The following ECPAS variants were observed in gnomAD, a reference collection of about 807,000 sequenced individuals.
ECPAS encodes the protein Ecm29 proteasome adaptor and scaffold, also known as proteasome adapter and scaffold protein ECM29.
ECPAS carries 70 observed loss-of-function variants against 255.1 expected under a neutral mutation model. The ratio of observed to expected loss-of-function variants is 0.27; its 90% confidence interval spans 0.23 to 0.33. The LOEUF (loss-of-function observed/expected upper bound fraction) is 0.33, where lower values mean the gene tolerates loss of function less well. Ranked by LOEUF, ECPAS falls within the 10% of genes least tolerant of loss-of-function variation. The pLI is 1.00. For missense variants in ECPAS, 1,817 were observed against 2,206.4 expected, an observed-to-expected ratio of 0.82 and a Z score of 3.54; for synonymous variants, 784 against 775.0, an observed-to-expected ratio of 1.01 and a Z score of -0.19.
At chr9:111,412,870 C>T (rs1365737210) in intron 20 of ECPAS, among the ~76,000 whole-genome samples, 1 of 151,858 alleles carries the variant, frequency 6.6e-6, no homozygotes, top group Non-Finnish European at 1.5e-5. Context: ...ACATTTTTAC[C>T]ATCATTCAAG....
At chr9:111,470,777 C>CACAG (rs944130617) in intron 2 of ECPAS, among the ~76,000 whole-genome samples, 2 of 151,464 alleles carry the variant, frequency 1.3e-5, no homozygotes, top group African/African-American at 4.9e-5. Flanking sequence ...CACACACACA[C>CACAG]ACACACACAC....
intron 46 of ECPAS, among the ~76,000 whole-genome samples, chr9:111,368,047 A>AC (rs1359491185): frequency 2.1e-5 from 3 of 139,680 alleles, no homozygotes; most frequent in African/African-American, 1.0e-4. Context: ...AAAAAAAACA[A>AC]ACAAAAAAAA....
intron 2 of ECPAS, 21 bp downstream of exon 2, chr9:111,472,876 T>TAAGGA: frequency 1.0e-6 from 1 of 986,746 alleles, no homozygotes; most frequent in Non-Finnish European, 1.4e-6. Flanking sequence ...GCACACATCC[T>TAAGGA]AAGGAACTAA....
At chr9:111,424,462 A>G (rs2098218569) in intron 12 of ECPAS, among the ~76,000 whole-genome samples, 1 of 152,226 alleles carries the variant, frequency 6.6e-6, no homozygotes, top group Non-Finnish European at 1.5e-5. Flanking sequence ...ACATGCATTC[A>G]TGTTTAGCTT....
chr9:111,430,763 T>A (rs1589189001), intron 8 of ECPAS, 135 bp from the exon 9 acceptor site: 2 of 674,078 alleles, frequency 3.0e-6, no homozygotes, highest in Non-Finnish European at 5.3e-6. Context: ...CAATTGACAT[T>A]GTAGAAGAGA....
chr9:111,436,424 T>A (rs990708028), intron 7 of ECPAS, among the ~76,000 whole-genome samples: 1 of 152,166 alleles, frequency 6.6e-6, no homozygotes, highest in Non-Finnish European at 1.5e-5. Context: ...CAGAATAAAA[T>A]CCTTAATGCC....
intron 45 of ECPAS, among the ~76,000 whole-genome samples, chr9:111,369,889 TG>T (rs1182486014): frequency 6.6e-6 from 1 of 152,170 alleles, no homozygotes; most frequent in African/African-American, 2.4e-5. Flanking sequence ...CTAGGATGGC[TG>T]GGGTGGCTTA....
At chr9:111,443,129 C>A (rs2098248117) in intron 4 of ECPAS, among the ~76,000 whole-genome samples, 1 of 152,174 alleles carries the variant, frequency 6.6e-6, no homozygotes, top group African/African-American at 2.4e-5. Flanking sequence ...TGATCCCAAG[C>A]AATTCAGATA....
intron 13 of ECPAS, among the ~76,000 whole-genome samples, chr9:111,422,945 C>A (rs774061064): frequency 4.6e-5 from 7 of 152,120 alleles, no homozygotes; most frequent in Non-Finnish European, 7.4e-5. Flanking sequence ...AAAAAAGTAA[C>A]CCATTATGAC....
At position 111,370,426 on chromosome 9, in the gene ECPAS, T is replaced by C; in HGVS notation, c.4974+9A>G. On this transcript the variant is annotated intron_variant, in intron 45 of 49. Transcript: ENST00000684092. ...TATAAACCAGAACTGAGGATACAGG[T>C]GGTATTACCTTCTTGATGAGAGGTA... 2 of 1,544,476 alleles carry C rather than the reference T, an allele frequency of 1.3e-6. No homozygotes were observed. Among genetic ancestry groups the C allele is most frequent in the Non-Finnish European group, 1.8e-6 (2 of 1,137,592 alleles).
chr9:111,365,326 C>CAT (rs1271799928), intron 48 of ECPAS, among the ~76,000 whole-genome samples: 2 of 118,934 alleles, frequency 1.7e-5, no homozygotes, highest in African/African-American at 6.0e-5. Flanking sequence ...ATCATCATCA[C>CAT]CTGGACTGGA....
intron 34 of ECPAS, 85 bp from the exon 35 acceptor site, chr9:111,383,417 A>C (rs772674808): frequency 1.4e-6 from 2 of 1,465,940 alleles, no homozygotes; most frequent in Admixed American, 2.1e-5. Context: ...TCTACTTCAC[A>C]TATCTACAGG....
intron 12 of ECPAS, 126 bp downstream of exon 12, chr9:111,425,292 G>A: frequency 1.7e-6 from 1 of 605,204 alleles, no homozygotes; most frequent in Non-Finnish European, 2.6e-6. Context: ...ACTATTTCAA[G>A]TAAAATGTTA....
At chr9:111,420,216 C>T in intron 15 of ECPAS, 96 bp from the exon 16 acceptor site, 1 of 744,052 alleles carries the variant, frequency 1.3e-6, no homozygotes. Context: ...ATGAGTCTTC[C>T]TAACTGTAAA....
intron 42 of ECPAS, 64 bp downstream of exon 42, chr9:111,372,365 T>A: frequency 7.0e-7 from 1 of 1,437,298 alleles, no homozygotes; most frequent in Non-Finnish European, 9.6e-7. Flanking sequence ...GAATAACGAA[T>A]GCAAGTAAAA....
intron 24 of ECPAS, among the ~76,000 whole-genome samples, chr9:111,408,112 G>GC (rs1564523893): frequency 1.3e-5 from 2 of 152,310 alleles, no homozygotes; most frequent in East Asian, 3.9e-4. Flanking sequence ...AGGAAAAGCA[G>GC]GGCCAGATCA....
intron 27 of ECPAS, among the ~76,000 whole-genome samples, chr9:111,393,264 T>C (rs779980369): frequency 2.6e-5 from 4 of 152,194 alleles, no homozygotes; most frequent in African/African-American, 4.8e-5. Context: ...TGCAAGACCA[T>C]ATGTTTAAAA....
At chr9:111,419,939 T>G in intron 16 of ECPAS, 78 bp downstream of exon 16, 2 of 1,084,662 alleles carry the variant, frequency 1.8e-6, no homozygotes, top group East Asian at 5.0e-5. Context: ...ACCAACATTG[T>G]AAACAATACA....
At chr9:111,436,874 T>A in intron 7 of ECPAS, 66 bp downstream of exon 7, 1 of 1,360,020 alleles carries the variant, frequency 7.4e-7, no homozygotes, top group East Asian at 2.4e-5. Flanking sequence ...TTTTATACGG[T>A]TCATGAACTT....
Sources: allele counts gnomAD v4.1 joint callset (sites outside exome capture counted in the v4.1 genomes callset), GRCh38; gene constraint gnomAD v4.1.1; transcripts MANE v1.5; gene names NCBI Gene and HGNC (gene_info 2026-07-23, HGNC 2026-07-21).